Variants in CFAP206 observed in about 807,000 individuals in gnomAD.
CFAP206 encodes cilia- and flagella-associated protein 206.
In CFAP206, 53 loss-of-function variants were observed where a neutral mutation model predicts 65.4. The observed-to-expected ratio is 0.81, with a 90% CI of 0.65 to 1.02. The LOEUF (loss-of-function observed/expected upper bound fraction) is 1.02, where lower values mean the gene tolerates loss of function less well. CFAP206 is among the 50% of genes least tolerant of loss of function. The probability of loss-of-function intolerance (pLI) is 0.00; values close to 1 mark genes in which losing one functional copy is unlikely to be tolerated. For synonymous variants in CFAP206, 250 were observed against 254.4 expected (o/e 0.98, Z 0.17); for missense variants, 663 against 753.2 (o/e 0.88, Z 1.40).
At chr6:87,423,596 C>A (rs1308171957) in intron 7 of CFAP206, among the ~76,000 whole-genome samples, 1 of 152,206 alleles carries the variant, frequency 6.6e-6, no homozygotes, top group Non-Finnish European at 1.5e-5. Flanking sequence ...TATTGCATGT[C>A]GAATGCAACT....
intron 6 of CFAP206, among the ~76,000 whole-genome samples, chr6:87,417,483 T>G (rs1767853417): frequency 6.6e-6 from 1 of 151,788 alleles, no homozygotes; most frequent in Non-Finnish European, 1.5e-5. Context: ...TCCATTTTCA[T>G]AAATGACCCT....
chr6:87,414,306 A>AT (rs937677597), intron 4 of CFAP206, among the ~76,000 whole-genome samples: 2 of 151,924 alleles, frequency 1.3e-5, no homozygotes, highest in Non-Finnish European at 2.9e-5. Context: ...CAATATGTAA[A>AT]TTTTTTTTGA....
chr6:87,446,460 A>C (rs1287918071), intron 11 of CFAP206, among the ~76,000 whole-genome samples: 7 of 152,138 alleles, frequency 4.6e-5, no homozygotes, highest in Non-Finnish European at 8.8e-5. Flanking sequence ...CCATTTATTA[A>C]ATAGGGCATC....
At chr6:87,422,139 C>T (rs1249332853) in intron 7 of CFAP206, among the ~76,000 whole-genome samples, 1 of 151,984 alleles carries the variant, frequency 6.6e-6, no homozygotes, top group South Asian at 2.1e-4. Flanking sequence ...TTTTAGAGGA[C>T]TAATATTATA....
intron 11 of CFAP206, among the ~76,000 whole-genome samples, chr6:87,458,518 G>A (rs1165774296): frequency 1.3e-5 from 1 of 77,450 alleles, no homozygotes; most frequent in Admixed American, 1.7e-4. Context: ...TTGCAAAAAC[G>A]GATGGAACTG....
At chr6:87,430,550 A>AT (rs1768137936) in intron 9 of CFAP206, among the ~76,000 whole-genome samples, 1 of 152,202 alleles carries the variant, frequency 6.6e-6, no homozygotes, top group East Asian at 1.9e-4. Context: ...TATAAGCATC[A>AT]TATTAAACAT....
rs548448392 is a variant in CFAP206, at chr6:87,435,058, G to T, written c.1494+5G>T. 4.4e-5 allele frequency: 68 copies of T among 1,553,238 alleles called. No individual in the cohort carries two copies. The South Asian group carries it at 7.6e-4, about 17-fold the overall frequency. On this transcript the variant is annotated splice_donor_5th_base_variant and intron_variant, in intron 11 of 12. Coordinates refer to ENST00000369562, the MANE Select transcript of CFAP206 (RefSeq NM_001031743.3). ...ACATTTATTCCATATTCTCAGGTAA[G>T]CAGGGTCAATATTTTATGAATTTAT...
chr6:87,426,414 C>A, intron 7 of CFAP206, 112 bp from the exon 8 acceptor site: 1 of 695,964 alleles, frequency 1.4e-6, no homozygotes, highest in East Asian at 3.3e-5. Context: ...AGACTTCCTG[C>A]TGTCATTGAG....
chr6:87,410,817 C>T, intron 3 of CFAP206, 149 bp downstream of exon 3: 1 of 644,330 alleles, frequency 1.6e-6, no homozygotes. Context: ...AACACAAAAT[C>T]TGGAGAGACA....
intron 3 of CFAP206, 69 bp downstream of exon 3, chr6:87,410,737 T>C: frequency 8.4e-7 from 1 of 1,188,356 alleles, no homozygotes; most frequent in Non-Finnish European, 1.3e-6. Flanking sequence ...TTTGTATTAG[T>C]CATTATTGCC....
At chr6:87,429,384 T>C (rs935867711) in intron 9 of CFAP206, among the ~76,000 whole-genome samples, 3 of 152,232 alleles carry the variant, frequency 2.0e-5, no homozygotes, top group Admixed American at 6.5e-5. Context: ...TGTGTTTCTA[T>C]TGCAGTCCTA....
rs201091754 is a variant in CFAP206 at position 87,415,733 on chromosome 6, T to C, written c.331T>C (p.Ser111Pro). 6.2e-7 allele frequency: 1 copy of C among 1,612,076 alleles called. No individual in the cohort carries two copies. The highest frequency in any genetic ancestry group is 1.1e-5 in the South Asian group (1 of 90,520). ...CCGGGTCCTAGAGTCTAGATTAGGC[T>C]CTGTTACCCGAGAAATTACAGATAA... ...HHRVLESRLGSVTREITDNRA... is the reference protein window; with the variant it reads ...HHRVLESRLGPVTREITDNRA... The change falls in exon 5 of 13, where the codon TCT becomes CCT. Residue 111 changes from serine to proline, a missense_variant. Physicochemically the swap from Ser to Pro is moderately conservative, Grantham distance 74. Coordinates refer to ENST00000369562, the MANE Select transcript of CFAP206 (RefSeq NM_001031743.3).
chr6:87,431,195 T>C, intron 10 of CFAP206, 22 bp downstream of exon 10: 1 of 1,598,736 alleles, frequency 6.3e-7, no homozygotes, highest in Non-Finnish European at 8.5e-7. Context: ...GAAATGAGAC[T>C]GCTCTCCTTT....
chr6:87,417,580 AAAG>A (rs1163247911), intron 6 of CFAP206, among the ~76,000 whole-genome samples: 1 of 150,890 alleles, frequency 6.6e-6, no homozygotes, highest in East Asian at 1.9e-4. Flanking sequence ...AATAACTAGA[AAAG>A]AAGATATACA....
In CFAP206 at chr6:87,430,993, C is replaced by A. The variant is rs145718195; in HGVS notation, c.1160-40C>A. 1,055 of 1,593,524 alleles carry A rather than the reference C, an allele frequency of 6.6e-4. 7 individuals are homozygous for A. In the African/African-American group the frequency reaches 0.013, roughly 20 times the overall value. On this transcript the variant is annotated intron_variant, in intron 9 of 12. Transcript: ENST00000369562. The stretch of plus-strand genomic sequence containing the variant: ...TGATTTATTTTGGAAATTTAACCTT[C>A]TCACTGAATTAAAGCTTTTCTTCTT...
intron 7 of CFAP206, among the ~76,000 whole-genome samples, chr6:87,422,780 AC>A (rs1767967105): frequency 6.6e-6 from 1 of 151,870 alleles, no homozygotes; most frequent in African/African-American, 2.4e-5. Flanking sequence ...AAACAAAAAA[AC>A]AACTCCAGAT....
intron 11 of CFAP206, among the ~76,000 whole-genome samples, chr6:87,440,387 AG>A (rs1768343391): frequency 6.6e-6 from 1 of 151,976 alleles, no homozygotes; most frequent in South Asian, 2.1e-4. Flanking sequence ...AGAGTCTGTT[AG>A]TTTTTTTTTC....
chr6:87,418,457 C>A (rs1767876057), intron 7 of CFAP206, 41 bp downstream of exon 7: 7 of 1,535,118 alleles, frequency 4.6e-6, no homozygotes, highest in Non-Finnish European at 6.3e-6. Flanking sequence ...CTATATAATG[C>A]AATCTCTTTA....
intron 11 of CFAP206, chr6:87,444,478 C>G (rs1448846637): frequency 4.5e-6 from 1 of 222,982 alleles, no homozygotes. Context: ...GACATACTTG[C>G]TGGGTTGTAG....
Sources: gnomAD v4.1 joint callset for allele counts (sites outside exome capture counted in the v4.1 genomes callset) on GRCh38, gnomAD v4.1.1 for gene constraint, MANE v1.5 for transcripts, NCBI Gene and HGNC (gene_info 2026-07-23, HGNC 2026-07-21) for gene names.